TAMM41: variants seen among roughly 807,000 people sequenced by gnomAD.
The protein encoded by TAMM41 is TAM41 mitochondrial translocator assembly and maintenance homolog.
Under a neutral mutation model 44.1 loss-of-function variants are expected in TAMM41, and 36 were observed. The ratio of observed to expected loss-of-function variants is 0.82; its 90% CI spans 0.63 to 1.08. The LOEUF (loss-of-function observed/expected upper bound fraction) is 1.08. Among genes scored for constraint, TAMM41 ranks in the 50% least tolerant of loss-of-function variants. The pLI, the probability that TAMM41 is intolerant of heterozygous loss-of-function variation, is 0.00. For missense variants in TAMM41, 417 were observed against 404.3 expected (o/e 1.03, Z -0.27); for synonymous variants, 164 against 153.1 (o/e 1.07, Z -0.53).
chr3:11,754,708 C>CTCTCTT, the TAMM41 span, among the ~76,000 whole-genome samples: 5,658 of 103,726 alleles, frequency 0.055, 298 homozygotes, highest in Non-Finnish European at 0.082. Context: ...TCTCAGATCT[C>CTCTCTT]TTTTTTTTTT....
At chr3:11,786,291 TA>T (rs1218826697), downstream of TAMM41, among the ~76,000 whole-genome samples, 74 of 97,426 alleles carry the variant, frequency 7.6e-4, no homozygotes, top group South Asian at 2.8e-3. Context: ...TTAATTTTAT[TA>T]TTATTATTAT....
At position 11,844,203 on chromosome 3, in the gene TAMM41, C is replaced by G. The variant is rs775895048; in HGVS notation, c.144G>C (p.Met48Ile). The G allele has an allele frequency of 4.3e-6, 7 of 1,613,794 alleles. No homozygotes were observed. The East Asian group carries it at 1.6e-4, about 36-fold the overall frequency. The change falls in exon 2 of 8, where the codon ATG becomes ATC. Residue 48 changes from methionine to isoleucine, a missense_variant. Met to Ile is a conservative substitution (Grantham distance 10). Coordinates refer to ENST00000455809, the MANE Select transcript of TAMM41 (RefSeq NM_001284401.2). Reference protein sequence around the residue: ...AGPSSDQKNAMLDFVFTVDDP... With the variant: ...AGPSSDQKNAILDFVFTVDDP... ...CATCTACTGTGAACACAAAGTCCAGCATAGCATTCTGTGGAGTGAAGAAAA... is the reference window on the plus strand; with the variant it reads ...CATCTACTGTGAACACAAAGTCCAGGATAGCATTCTGTGGAGTGAAGAAAA...
chr3:11,736,348 T>C, the TAMM41 span, among the ~76,000 whole-genome samples: 1 of 152,276 alleles, frequency 6.6e-6, no homozygotes, highest in Admixed American at 6.5e-5. Context: ...AAACCAATCA[T>C]GTGATTAGCT....
chr3:11,804,115 CAG>C (rs2077832923), intron 7 of TAMM41, among the ~76,000 whole-genome samples: 1 of 152,086 alleles, frequency 6.6e-6, no homozygotes. Context: ...AGTAAGCACT[CAG>C]GGGAAGCAGC....
the TAMM41 span, among the ~76,000 whole-genome samples, chr3:11,755,206 G>A: frequency 5.5e-4 from 84 of 152,240 alleles, no homozygotes; most frequent in Admixed American, 2.4e-3. Context: ...AAGCAGAGAG[G>A]AGACTCGGCC....
At chr3:11,829,522 A>T (rs2078895063) in intron 4 of TAMM41, among the ~76,000 whole-genome samples, 192 bp downstream of exon 4, 1 of 152,244 alleles carries the variant, frequency 6.6e-6, no homozygotes, top group Non-Finnish European at 1.5e-5. Context: ...TGGGACAATA[A>T]GCATGGAGAT....
chr3:11,810,570 A>G (rs1350666254), intron 5 of TAMM41, among the ~76,000 whole-genome samples: 1 of 152,190 alleles, frequency 6.6e-6, no homozygotes, highest in African/African-American at 2.4e-5. Flanking sequence ...ACAGCCCATC[A>G]CATTATTTCC....
chr3:11,838,752 G>A (rs1198765611), intron 3 of TAMM41, among the ~76,000 whole-genome samples: 1 of 151,952 alleles, frequency 6.6e-6, no homozygotes, highest in Non-Finnish European at 1.5e-5. Context: ...TAAATCATTG[G>A]CCGTTGGTGA....
the TAMM41 span, among the ~76,000 whole-genome samples, chr3:11,736,586 G>A: frequency 5.4e-3 from 820 of 152,300 alleles, 4 homozygotes; most frequent in Middle Eastern, 0.01. Context: ...AAATACCAAG[G>A]ATGGCGTCTG....
chr3:11,789,007 A>G (rs143831694), downstream of TAMM41, among the ~76,000 whole-genome samples: 364 of 152,284 alleles, frequency 2.4e-3, 1 homozygote, highest in African/African-American at 8.5e-3. Flanking sequence ...AACAAAACCA[A>G]TAATACAAAG....
intron 4 of TAMM41, among the ~76,000 whole-genome samples, chr3:11,825,382 A>C (rs1204276856): frequency 6.6e-6 from 1 of 152,210 alleles, no homozygotes; most frequent in Admixed American, 6.5e-5. Context: ...ACAGAGAAGC[A>C]GGCTTCCAAA....
chr3:11,794,823 T>C (rs7629190), intron 7 of TAMM41, among the ~76,000 whole-genome samples: 91,314 of 152,016 alleles, frequency 0.6, 29,030 homozygotes, highest in African/African-American at 0.79. Flanking sequence ...AAGATCTCTA[T>C]CTTTCCATAA....
the TAMM41 span, among the ~76,000 whole-genome samples, chr3:11,748,910 G>GTT: frequency 0.01 from 803 of 77,388 alleles, 14 homozygotes; most frequent in African/African-American, 0.043. Flanking sequence ...CTGGGAAGTA[G>GTT]ATTTTTTTTT....
intron 7 of TAMM41, among the ~76,000 whole-genome samples, chr3:11,791,350 C>T (rs1188363299): frequency 1.3e-5 from 2 of 152,148 alleles, no homozygotes; most frequent in African/African-American, 4.8e-5. Flanking sequence ...TGTGATGAAA[C>T]TGGAGAAAGG....
At chr3:11,729,520 T>G in the TAMM41 span, among the ~76,000 whole-genome samples, 2 of 138,014 alleles carry the variant, frequency 1.4e-5, 1 homozygote, top group Admixed American at 1.6e-4. Flanking sequence ...TTTCTTTCTT[T>G]CTTTCTTTTC....
At chr3:11,778,739 G>T in the TAMM41 span, among the ~76,000 whole-genome samples, 3 of 151,992 alleles carry the variant, frequency 2.0e-5, no homozygotes, top group African/African-American at 7.3e-5. Context: ...GCATTTCCCT[G>T]ATGATGAGTG....
rs149034570 is a variant in TAMM41, at chr3:11,836,126, G to A, written c.411+3096C>T. The stretch of plus-strand genomic sequence containing the variant: ...CTGCCTCAGCCTCCCGAGTAGCTGG[G>A]ATTACAGGTGCATGCCGCAACGCCC... On this transcript the variant is annotated intron_variant, in intron 3 of 7. Coordinates refer to ENST00000455809, the MANE Select transcript of TAMM41 (RefSeq NM_001284401.2). 7.3e-3 allele frequency among the ~76,000 whole-genome samples: 1,111 copies of A among 152,070 alleles called. 15 individuals carry two copies. The highest frequency in any genetic ancestry group is 0.025 in the African/African-American group (1,050 of 41,464).
chr3:11,731,082 T>A, the TAMM41 span, among the ~76,000 whole-genome samples: 1 of 152,116 alleles, frequency 6.6e-6, no homozygotes, highest in Non-Finnish European at 1.5e-5. Context: ...TAAAAGTGGG[T>A]CCCAGGTCAA....
chr3:11,773,081 C>G, the TAMM41 span, among the ~76,000 whole-genome samples: 3 of 151,990 alleles, frequency 2.0e-5, no homozygotes, highest in East Asian at 1.9e-4. Context: ...CTCATCCTCC[C>G]GAGTAGCTGG....
Sources: gnomAD v4.1 joint callset for allele counts (sites outside exome capture counted in the v4.1 genomes callset) on GRCh38, gnomAD v4.1.1 for gene constraint, MANE v1.5 for transcripts, NCBI Gene and HGNC (gene_info 2026-07-23, HGNC 2026-07-21) for gene names.